GLRA3: variants seen among roughly 807,000 people sequenced by gnomAD.
GLRA3 encodes the protein glycine receptor subunit alpha-3.
A neutral mutation model predicts 60.4 loss-of-function variants in GLRA3; 44 were observed. The ratio of observed to expected loss-of-function variants is 0.73; its 90% confidence interval spans 0.57 to 0.94. The LOEUF (loss-of-function observed/expected upper bound fraction) is 0.94, where lower values mean the gene tolerates loss of function less well. Ranked by LOEUF, GLRA3 falls within the 40% of genes least tolerant of loss-of-function variation. The pLI is 0.00. For missense variants in GLRA3, 508 were observed against 564.6 expected (o/e 0.90, Z 1.02); for synonymous variants, 223 against 192.9 (o/e 1.16, Z -1.29).
At chr4:174,821,212 T>C (rs1289851557) in intron 1 of GLRA3, among the ~76,000 whole-genome samples, 1 of 152,194 alleles carries the variant, frequency 6.6e-6, no homozygotes, top group Non-Finnish European at 1.5e-5. Flanking sequence ...AGCAGCAGTG[T>C]CATGGAGAAA....
intron 5 of GLRA3, among the ~76,000 whole-genome samples, chr4:174,707,512 G>C (rs1325147412): frequency 6.6e-6 from 1 of 151,910 alleles, no homozygotes; most frequent in African/African-American, 2.4e-5. Context: ...AGAATGATTG[G>C]CACTGTCACG....
At chr4:174,714,476 C>A (rs1304265006) in intron 5 of GLRA3, among the ~76,000 whole-genome samples, 2 of 152,114 alleles carry the variant, frequency 1.3e-5, no homozygotes, top group East Asian at 3.9e-4. Flanking sequence ...TAAAAGTAAT[C>A]AATTTAAATT....
intron 2 of GLRA3, among the ~76,000 whole-genome samples, chr4:174,784,807 G>T (rs1739054363): frequency 2.0e-5 from 3 of 152,048 alleles, no homozygotes; most frequent in Non-Finnish European, 4.4e-5. Flanking sequence ...ATAGGACTAA[G>T]ATATAATAGA....
intron 1 of GLRA3, among the ~76,000 whole-genome samples, chr4:174,791,049 A>G (rs1015402370): frequency 6.6e-6 from 1 of 151,702 alleles, no homozygotes; most frequent in Admixed American, 6.6e-5. Context: ...CTGAACCACA[A>G]TCCTTCACAT....
chr4:174,660,783 C>G (rs544295374), intron 7 of GLRA3, among the ~76,000 whole-genome samples: 3 of 152,280 alleles, frequency 2.0e-5, no homozygotes, highest in East Asian at 3.9e-4. Flanking sequence ...CTACATTTAT[C>G]TGTTTATTCA....
intron 2 of GLRA3, among the ~76,000 whole-genome samples, chr4:174,779,137 C>T (rs1407989502): frequency 6.6e-6 from 1 of 152,230 alleles, no homozygotes; most frequent in Non-Finnish European, 1.5e-5. Flanking sequence ...AACGGGCAGA[C>T]TGCTTCCTCA....
rs1740349682 is a variant in GLRA3 at position 174,813,454 on chromosome 4, T to C, written c.71+15287A>G. The stretch of plus-strand genomic sequence containing the variant: ...CAATGAGGCTGGACTGAATCCTCTA[T>C]GAAAACTACAGCGTAGCCACACCAC... On this transcript the variant is annotated intron_variant, in intron 1 of 9. Coordinates refer to ENST00000274093, the MANE Select transcript of GLRA3 (RefSeq NM_006529.4). Among the ~76,000 whole-genome samples, 2 of 152,178 alleles carry C rather than the reference T, an allele frequency of 1.3e-5. 1 individual carries two copies. Among genetic ancestry groups the C allele is most frequent in the South Asian group, 4.1e-4 (2 of 4,824 alleles).
At chr4:174,708,811 C>CTTT (rs140269294) in intron 5 of GLRA3, among the ~76,000 whole-genome samples, 70 of 134,838 alleles carry the variant, frequency 5.2e-4, no homozygotes, top group East Asian at 1.5e-3. Context: ...TCCTTCCTGG[C>CTTT]TTTTTTTTTT....
At chr4:174,741,413 T>G (rs539532735) in intron 3 of GLRA3, among the ~76,000 whole-genome samples, 1 of 152,306 alleles carries the variant, frequency 6.6e-6, no homozygotes, top group African/African-American at 2.4e-5. Context: ...TTTAAATTGC[T>G]CATTAAAAGT....
chr4:174,802,838 G>A (rs1003974480), intron 1 of GLRA3, among the ~76,000 whole-genome samples: 3 of 152,104 alleles, frequency 2.0e-5, no homozygotes, highest in African/African-American at 7.2e-5. Flanking sequence ...GAATTGAAAT[G>A]CTGTCAGTAT....
At chr4:174,823,874 G>A (rs549659331) in intron 1 of GLRA3, among the ~76,000 whole-genome samples, 1 of 152,286 alleles carries the variant, frequency 6.6e-6, no homozygotes, top group Admixed American at 6.5e-5. Flanking sequence ...GCATAAAACT[G>A]TGATAAATCT....
At chr4:174,707,303 G>A (rs1381060550) in intron 5 of GLRA3, among the ~76,000 whole-genome samples, 1 of 152,072 alleles carries the variant, frequency 6.6e-6, no homozygotes, top group African/African-American at 2.4e-5. Flanking sequence ...GTAGAATTAT[G>A]GACTAAAACT....
chr4:174,828,816 C>T lies in GLRA3; in HGVS notation c.-5G>A. 1.3e-6 allele frequency: 2 copies of T among 1,596,044 alleles called. No individual in the cohort carries two copies. Among genetic ancestry groups the T allele is most frequent in the Admixed American group, 1.7e-5 (1 of 60,004 alleles). On this transcript the variant is annotated 5_prime_UTR_variant, in exon 1 of 10. Transcript: ENST00000274093. The stretch of plus-strand genomic sequence containing the variant: ...AAAGTGTCTCACGTGGGCCATGATA[C>T]GGAGAGATATTCACGATCCTGAAAA...
chr4:174,780,651 AG>A, intron 2 of GLRA3, among the ~76,000 whole-genome samples: 1 of 151,470 alleles, frequency 6.6e-6, no homozygotes, highest in East Asian at 1.9e-4. Context: ...AAAAAAAGTC[AG>A]GGGTTGCAAT....
At chr4:174,792,643 T>A (rs1253787052) in intron 1 of GLRA3, among the ~76,000 whole-genome samples, 3 of 152,202 alleles carry the variant, frequency 2.0e-5, no homozygotes, top group Non-Finnish European at 2.9e-5. Flanking sequence ...TTAAGTATAT[T>A]GTGTGCCCAC....
intron 3 of GLRA3, among the ~76,000 whole-genome samples, chr4:174,736,155 T>C (rs1448083863): frequency 2.0e-5 from 3 of 152,152 alleles, no homozygotes; most frequent in Admixed American, 2.0e-4. Flanking sequence ...TTGAAGACAT[T>C]CTAACTACTG....
Position 174,816,157 on chromosome 4 carries a change from G to C in GLRA3, c.71+12584C>G, listed in dbSNP as rs562944945. On this transcript the variant is annotated intron_variant, in intron 1 of 9. Coordinates refer to ENST00000274093, the MANE Select transcript of GLRA3 (RefSeq NM_006529.4). ...TTCCTAAAGGTCCACACATTGAATA[G>C]CTAGGTCCATGATGGGGGAGGACTT... Among the ~76,000 whole-genome samples the C allele has an allele frequency of 1.1e-4, 16 of 152,264 alleles. No homozygotes were observed. The East Asian group carries it at 3.1e-3, about 29-fold the overall frequency.
Position 174,766,960 on chromosome 4 carries a change from T to C in GLRA3, c.267+3A>G, listed in dbSNP as rs746914267. The C allele has an allele frequency of 1.3e-6, 2 of 1,530,292 alleles. No homozygotes were observed. Among genetic ancestry groups the C allele is most frequent in the East Asian group, 2.3e-5 (1 of 43,624 alleles). The allele number at this position is 1,530,292 out of a possible 1,614,324, so 94.8% of individuals were successfully genotyped here. The stretch of plus-strand genomic sequence containing the variant: ...GAAACTTGTTGCAAAGTAAAATGCC[T>C]ACCATGGTCGTCTCTGCGATAGAGC... On this transcript the variant is annotated splice_donor_region_variant and intron_variant, in intron 3 of 9. Coordinates refer to ENST00000274093, the MANE Select transcript of GLRA3 (RefSeq NM_006529.4).
At chr4:174,820,430 C>G (rs1740698521) in intron 1 of GLRA3, among the ~76,000 whole-genome samples, 2 of 152,142 alleles carry the variant, frequency 1.3e-5, no homozygotes, top group African/African-American at 2.4e-5. Context: ...GCTAGACACT[C>G]TTTTAAGCCC....
Sources: gnomAD v4.1 joint callset for allele counts (sites outside exome capture counted in the v4.1 genomes callset) on GRCh38, gnomAD v4.1.1 for gene constraint, MANE v1.5 for transcripts, NCBI Gene and HGNC (gene_info 2026-07-23, HGNC 2026-07-21) for gene names.